Variants in KAZN observed in about 807,000 individuals in gnomAD.
KAZN encodes the protein kazrin.
In KAZN, 40 loss-of-function variants were observed where a neutral mutation model predicts 87.4. The ratio of observed to expected loss-of-function variants is 0.46; its 90% CI spans 0.36 to 0.60. The LOEUF is 0.60. KAZN is among the 20% of genes least tolerant of loss of function. KAZN has a pLI of 0.00. For missense variants in KAZN, 898 were observed against 1,073.9 expected, an observed-to-expected ratio of 0.84 and a Z score of 2.29; for synonymous variants, 466 against 458.3, an observed-to-expected ratio of 1.02 and a Z score of -0.22.
intron 1 of KAZN, among the ~76,000 whole-genome samples, chr1:14,618,826 C>A (rs950635032): frequency 2.0e-5 from 3 of 152,180 alleles, no homozygotes; most frequent in African/African-American, 7.2e-5. Context: ...AAAGTGTTGA[C>A]AAGGGACACT....
At chr1:13,997,572 T>A (rs1639581922) in intron 1 of KAZN, among the ~76,000 whole-genome samples, 1 of 151,678 alleles carries the variant, frequency 6.6e-6, no homozygotes, top group Admixed American at 6.6e-5. Context: ...TTGTGAAGGA[T>A]ACACAAGTAT....
At chr1:14,433,259 C>G (rs760281258) in intron 2 of KAZN, among the ~76,000 whole-genome samples, 5 of 152,184 alleles carry the variant, frequency 3.3e-5, no homozygotes, top group African/African-American at 7.2e-5. Flanking sequence ...GCACCCACCC[C>G]CCACAGAGAC....
rs1667856942 is a variant in KAZN, at chr1:14,996,313, T to C, written c.418+35438T>C. On this transcript the variant is annotated intron_variant, in intron 2 of 14. Transcript: ENST00000376030. The surrounding 1 kb of genome is among the most constrained non-coding windows in gnomAD (Gnocchi z 5.9). ...GCAGGATGACTCACACCTTCCCTTC[T>C]GTTCCCTCAGTCCCTTCTCCCTGGG... Among the ~76,000 whole-genome samples, 1 of 152,168 alleles carries C rather than the reference T, an allele frequency of 6.6e-6. No individual in the cohort carries two copies. The highest frequency in any genetic ancestry group is 1.5e-5 in the Non-Finnish European group (1 of 68,038).
chr1:14,036,550 A>G (rs974863063), intron 1 of KAZN, among the ~76,000 whole-genome samples: 3 of 152,178 alleles, frequency 2.0e-5, no homozygotes, highest in African/African-American at 7.2e-5. Context: ...ATGTAGCCCC[A>G]GCTACTCAGG....
chr1:14,880,853 G>A (rs1233943300), intron 1 of KAZN, among the ~76,000 whole-genome samples: 2 of 152,206 alleles, frequency 1.3e-5, no homozygotes, highest in African/African-American at 2.4e-5. Context: ...CACATCTGCT[G>A]TCCTATACTG....
At chr1:14,443,645 G>A (rs1666819285) in intron 2 of KAZN, among the ~76,000 whole-genome samples, 2 of 152,210 alleles carry the variant, frequency 1.3e-5, no homozygotes, top group South Asian at 4.1e-4. Flanking sequence ...TAATGGAGGA[G>A]AGCATGTTTT....
At chr1:14,762,424 G>A (rs919288703) in intron 1 of KAZN, among the ~76,000 whole-genome samples, 5 of 152,132 alleles carry the variant, frequency 3.3e-5, no homozygotes, top group Non-Finnish European at 2.9e-5. Context: ...CTGGCATGGT[G>A]GCATCAAGAA....
intron 2 of KAZN, among the ~76,000 whole-genome samples, chr1:14,350,319 G>C (rs532579857): frequency 6.6e-6 from 1 of 152,140 alleles, no homozygotes; most frequent in Non-Finnish European, 1.5e-5. Context: ...AATTCTCTGA[G>C]TTTTATAAAC....
chr1:14,624,667 C>T (rs1004648040), intron 1 of KAZN, among the ~76,000 whole-genome samples: 12 of 152,130 alleles, frequency 7.9e-5, no homozygotes, highest in Non-Finnish European at 1.6e-4. Flanking sequence ...GCTAAGGACT[C>T]GGTGAAGAGA....
intron 2 of KAZN, among the ~76,000 whole-genome samples, chr1:14,344,163 CTTTTTTTTTTT>C (rs55837460): frequency 8.2e-6 from 1 of 122,636 alleles, no homozygotes; most frequent in Non-Finnish European, 1.7e-5. Flanking sequence ...TTCATGTATT[CTTTTTTTTTTT>C]TTTTTTGACA....
chr1:14,506,195 T>G (rs1473399396), intron 2 of KAZN, among the ~76,000 whole-genome samples: 2 of 152,216 alleles, frequency 1.3e-5, no homozygotes, highest in African/African-American at 4.8e-5. Context: ...TGTGCATCTG[T>G]GCCACACAGT....
rs117648908 is a variant in KAZN, at chr1:14,628,086, C to A, written c.226+28863C>A. On this transcript the variant is annotated intron_variant, in intron 1 of 14. Transcript: ENST00000376030. ...GCAAACAAAATCAGTGTGTTCTCTG[C>A]GTTATTTTCTGCCTTTGCAATGGGA... Among the ~76,000 whole-genome samples, 139 of 152,274 alleles carry A rather than the reference C, an allele frequency of 9.1e-4. 3 individuals carry two copies. The East Asian group carries it at 0.024, about 26-fold the overall frequency.
chr1:14,113,556 G>A (rs1644545187), intron 1 of KAZN, among the ~76,000 whole-genome samples: 1 of 152,218 alleles, frequency 6.6e-6, no homozygotes, highest in South Asian at 2.1e-4. Context: ...TTCCATGTTT[G>A]AGTTGATTAT....
At chr1:14,383,526 C>T (rs973084123) in intron 2 of KAZN, among the ~76,000 whole-genome samples, 3 of 151,572 alleles carry the variant, frequency 2.0e-5, no homozygotes, top group Admixed American at 1.3e-4. Flanking sequence ...TTTCAGCTTT[C>T]TACATATGGC....
intron 2 of KAZN, among the ~76,000 whole-genome samples, chr1:14,182,222 A>G (rs752856633): frequency 6.6e-6 from 1 of 152,164 alleles, no homozygotes; most frequent in African/African-American, 2.4e-5. Flanking sequence ...TTAAATGGCC[A>G]GATAAAATGG....
At chr1:14,697,886 T>A (rs1453906598) in intron 1 of KAZN, among the ~76,000 whole-genome samples, 1 of 152,196 alleles carries the variant, frequency 6.6e-6, no homozygotes, top group African/African-American at 2.4e-5. Context: ...CATCTCATTC[T>A]AATGTAGCTC....
chr1:14,850,877 A>G lies in KAZN; in HGVS notation c.227-109807A>G, dbSNP rs1188287716. On this transcript the variant is annotated intron_variant, in intron 1 of 14. Coordinates refer to ENST00000376030, the MANE Select transcript of KAZN (RefSeq NM_201628.3). ...AAGCCCCAGACTCTGGAAGTTTTAT[A>G]TTGGTTTCCTAGCCCAGCTCTCAGA... 3.3e-5 allele frequency among the ~76,000 whole-genome samples: 5 copies of G among 152,118 alleles called. No individual in the cohort carries two copies. The East Asian group carries it at 5.8e-4, about 18-fold the overall frequency.
intron 1 of KAZN, among the ~76,000 whole-genome samples, chr1:13,949,105 C>T (rs74766866): frequency 6.6e-6 from 1 of 152,200 alleles, no homozygotes; most frequent in Non-Finnish European, 1.5e-5. Flanking sequence ...TCTTTCCAGC[C>T]AGCATTCTGG....
intron 1 of KAZN, among the ~76,000 whole-genome samples, chr1:14,859,514 G>T (rs1650586853): frequency 6.6e-6 from 1 of 152,132 alleles, no homozygotes; most frequent in African/African-American, 2.4e-5. Flanking sequence ...CCTGAGAAGT[G>T]GAGGGGAGGT....
Sources: gnomAD v4.1 joint callset for allele counts (sites outside exome capture counted in the v4.1 genomes callset) on GRCh38, gnomAD v4.1.1 for gene constraint, Gnocchi (gnomAD v3.1) non-coding constraint, MANE v1.5 for transcripts, NCBI Gene and HGNC (gene_info 2026-07-23, HGNC 2026-07-21) for gene names.